FAM177A1: variants seen among roughly 807,000 people sequenced by gnomAD.
The protein encoded by FAM177A1 is protein FAM177A1.
Under a neutral mutation model 26.1 loss-of-function variants are expected in FAM177A1, and 22 were observed. The ratio of observed to expected loss-of-function variants is 0.84; its 90% confidence interval spans 0.60 to 1.20. The LOEUF is 1.20. Ranked by LOEUF, FAM177A1 falls within the 50% of genes most tolerant of loss-of-function variation. The pLI is 0.00. For synonymous variants in FAM177A1, 95 were observed against 99.3 expected, an observed-to-expected ratio of 0.96 and a Z score of 0.26; for missense variants, 296 against 291.1, an observed-to-expected ratio of 1.02 and a Z score of -0.12.
At chr14:35,051,344 T>C (rs941394160) in intron 1 of FAM177A1, among the ~76,000 whole-genome samples, 2 of 152,298 alleles carry the variant, frequency 1.3e-5, no homozygotes, top group African/African-American at 4.8e-5. Flanking sequence ...GGTCTCCAAC[T>C]CCTGACATCA....
At chr14:35,066,652 G>A (rs7156704) in intron 2 of FAM177A1, among the ~76,000 whole-genome samples, 12,925 of 150,366 alleles carry the variant, frequency 0.086, 861 homozygotes, top group African/African-American at 0.19. Flanking sequence ...TGATCTGCCC[G>A]CCTCAGCCTC....
At chr14:35,054,929 A>T (rs1173488350) in intron 2 of FAM177A1, 3 of 152,174 alleles carry the variant, frequency 2.0e-5, no homozygotes, top group Non-Finnish European at 2.9e-5. Flanking sequence ...GTGGGCCAAG[A>T]TCGTGCCATT....
chr14:35,053,533 C>T (rs766745321), intron 2 of FAM177A1, 82 bp downstream of exon 2: 68 of 1,240,086 alleles, frequency 5.5e-5, no homozygotes, highest in Non-Finnish European at 7.2e-5. Context: ...GTGGAAGGGA[C>T]CTTTTGAGGT....
chr14:35,061,388 C>T (rs1389294015), intron 2 of FAM177A1, among the ~76,000 whole-genome samples: 9 of 151,524 alleles, frequency 5.9e-5, no homozygotes, highest in Admixed American at 5.9e-4. Context: ...GGGACAATGG[C>T]TCATTTCTGT....
chr14:35,045,873 C>T (rs1359116230), upstream of FAM177A1: 1 of 152,170 alleles, frequency 6.6e-6, no homozygotes, highest in Non-Finnish European at 1.5e-5. Flanking sequence ...GTATTTCAGA[C>T]AAGAGTAAGC....
chr14:35,066,704 C>A (rs1595049674), intron 2 of FAM177A1, among the ~76,000 whole-genome samples: 1 of 151,664 alleles, frequency 6.6e-6, no homozygotes, highest in African/African-American at 2.4e-5. Context: ...CGCGCCTGGC[C>A]ATAAAAGAGC....
Position 35,046,315 on chromosome 14 carries a change from T to TAGGCG in FAM177A1, c.-143_-139dup. Reference sequence around the variant, plus strand: ...TCTCGGGGTGCGGAGCCCGGCGGGCTAGGCGAGGCGCGGGCTGGCCCCGCC... The same window carrying TAGGCG: ...TCTCGGGGTGCGGAGCCCGGCGGGCTAGGCGAGGCGAGGCGCGGGCTGGCCCCGCC... On this transcript the variant is annotated 5_prime_UTR_variant, in exon 1 of 5. Transcript: ENST00000280987. The TAGGCG allele has an allele frequency of 1.0e-6, 1 of 953,596 alleles. No individual in the cohort carries two copies. The highest frequency in any genetic ancestry group is 1.4e-6 in the Non-Finnish European group (1 of 692,460). The allele number at this position is 953,596 out of a possible 1,614,324, so 59.1% of individuals were successfully genotyped here.
intron 1 of FAM177A1, chr14:35,049,886 T>A (rs369154876): frequency 6.6e-6 from 1 of 152,352 alleles, no homozygotes; most frequent in East Asian, 1.9e-4. Context: ...ACCTCATAAT[T>A]TCCTGGTGTT....
At chr14:35,078,390 C>A (rs565410426) in intron 3 of FAM177A1, among the ~76,000 whole-genome samples, 1 of 152,314 alleles carries the variant, frequency 6.6e-6, no homozygotes, top group Non-Finnish European at 1.5e-5. Context: ...CTTGCTCTTT[C>A]ATCAAGGCTG....
Position 35,046,350 on chromosome 14 carries a change from G to C in FAM177A1, c.-114G>C, listed in dbSNP as rs1272810799. 18 of 1,263,650 alleles carry C rather than the reference G, an allele frequency of 1.4e-5. No individual in the cohort carries two copies. The highest frequency in any genetic ancestry group is 1.1e-4 in the South Asian group (6 of 55,856). The allele number at this position is 1,263,650 out of a possible 1,614,324, so 78.3% of individuals were successfully genotyped here. A position where few individuals can be genotyped will look rare whatever the true frequency, so the allele number is the denominator to read the frequency against. On this transcript the variant is annotated 5_prime_UTR_variant, in exon 1 of 5. Transcript: ENST00000280987. The stretch of plus-strand genomic sequence containing the variant: ...GCGGGCTGGCCCCGCCCCTCAGGCC[G>C]GCGAGTCCCCTTCTCAGAGACTTGG...
intron 2 of FAM177A1, among the ~76,000 whole-genome samples, chr14:35,061,285 G>C (rs932373438): frequency 7.2e-5 from 11 of 152,016 alleles, no homozygotes; most frequent in Admixed American, 2.6e-4. Context: ...TGTCTGCTTT[G>C]TTTCCTGTCC....
chr14:35,080,921 T>G, intron 4 of FAM177A1, 101 bp from the exon 5 acceptor site: 2 of 1,377,982 alleles, frequency 1.5e-6, no homozygotes, highest in Non-Finnish European at 1.9e-6. Flanking sequence ...ACTTTTTTTT[T>G]TTTTTTTTTT....
At chr14:35,061,891 G>A (rs2045164667) in intron 2 of FAM177A1, among the ~76,000 whole-genome samples, 1 of 152,110 alleles carries the variant, frequency 6.6e-6, no homozygotes, top group African/African-American at 2.4e-5. Flanking sequence ...CATGCTCAAG[G>A]TAGAGCCTCC....
Position 35,083,020 on chromosome 14 carries a change from T to C in FAM177A1, c.*1792T>C, listed in dbSNP as rs147620779. 315 of 152,366 alleles carry C rather than the reference T, an allele frequency of 2.1e-3. No individual in the cohort carries two copies. Among genetic ancestry groups the C allele is most frequent in the African/African-American group, 7.3e-3 (304 of 41,584 alleles). 9.4% of individuals were successfully genotyped at this position (152,366 alleles called of 1,614,324 possible). A position where few individuals can be genotyped will look rare whatever the true frequency, so the allele number is the denominator to read the frequency against. On this transcript the variant is annotated 3_prime_UTR_variant, in exon 5 of 5. Coordinates refer to ENST00000280987, the MANE Select transcript of FAM177A1 (RefSeq NM_173607.5). ...TGATTATATAATGTCCCATGAATTATAGTTTACCAATAGTTCTAAAACATG... is the reference window on the plus strand; with the variant it reads ...TGATTATATAATGTCCCATGAATTACAGTTTACCAATAGTTCTAAAACATG...
At chr14:35,076,948 G>A (rs769395170) in intron 2 of FAM177A1, among the ~76,000 whole-genome samples, 19 of 152,014 alleles carry the variant, frequency 1.2e-4, no homozygotes, top group Non-Finnish European at 2.5e-4. Flanking sequence ...TTAAGGTGGT[G>A]GTAGTTATAT....
intron 4 of FAM177A1, 21 bp downstream of exon 4, chr14:35,079,045 T>C: frequency 1.3e-6 from 2 of 1,542,838 alleles, no homozygotes; most frequent in African/African-American, 1.4e-5. Context: ...TTTTTACATT[T>C]TCTTGATTCA....
At position 35,046,370 on chromosome 14, in the gene FAM177A1, A is replaced by C. The variant is rs1054523879; in HGVS notation, c.-94A>C. On this transcript the variant is annotated 5_prime_UTR_variant, in exon 1 of 5. Transcript: ENST00000280987. ...AGGCCGGCGAGTCCCCTTCTCAGAG[A>C]CTTGGCTAGGCGCGGCGCGAGGCGG... The C allele has an allele frequency of 1.6e-5, 21 of 1,350,808 alleles. No homozygotes were observed. Among genetic ancestry groups the C allele is most frequent in the Non-Finnish European group, 1.9e-5 (20 of 1,034,344 alleles). The allele number at this position is 1,350,808 out of a possible 1,614,324, so 83.7% of individuals were successfully genotyped here. A position where few individuals can be genotyped will look rare whatever the true frequency, so the allele number is the denominator to read the frequency against.
At chr14:35,077,016 T>C (rs2045406689) in intron 2 of FAM177A1, 134 bp from the exon 3 acceptor site, 2 of 684,806 alleles carry the variant, frequency 2.9e-6, no homozygotes, top group Non-Finnish European at 5.2e-6. Context: ...AATTGTTGAT[T>C]GGATTGCAGT....
chr14:35,068,061 G>T (rs1463601097), intron 2 of FAM177A1, among the ~76,000 whole-genome samples: 1 of 152,084 alleles, frequency 6.6e-6, no homozygotes, highest in Non-Finnish European at 1.5e-5. Context: ...TGGTTTTGTT[G>T]CCTGAGCTTT....
Sources: gnomAD v4.1 joint callset for allele counts (sites outside exome capture counted in the v4.1 genomes callset) on GRCh38, gnomAD v4.1.1 for gene constraint, MANE v1.5 for transcripts, NCBI Gene and HGNC (gene_info 2026-07-23, HGNC 2026-07-21) for gene names.